Variants in ELF2 observed in about 807,000 individuals in gnomAD.
The protein encoded by ELF2 is ETS-related transcription factor Elf-2.
In ELF2, 11 loss-of-function variants were observed where a neutral mutation model predicts 54.8. The ratio of observed to expected loss-of-function variants is 0.20; its 90% CI spans 0.13 to 0.33. The LOEUF (loss-of-function observed/expected upper bound fraction) is 0.33, where lower values mean the gene tolerates loss of function less well. ELF2 is among the 10% of genes least tolerant of loss of function. The probability of loss-of-function intolerance (pLI) is 1.00; values close to 1 mark genes in which losing one functional copy is unlikely to be tolerated. For missense variants in ELF2, 513 were observed against 703.0 expected (o/e 0.73, Z 3.06); for synonymous variants, 203 against 245.1 (o/e 0.83, Z 1.61).
intron 4 of ELF2, among the ~76,000 whole-genome samples, chr4:139,112,536 C>T (rs1735059522): frequency 6.6e-6 from 1 of 152,166 alleles, no homozygotes; most frequent in Non-Finnish European, 1.5e-5. Flanking sequence ...TGTGTTAAAG[C>T]ATTCGTATTT....
intron 1 of ELF2, among the ~76,000 whole-genome samples, chr4:139,149,277 GT>G (rs1739599302): frequency 6.6e-6 from 1 of 152,212 alleles, no homozygotes; most frequent in African/African-American, 2.4e-5. Flanking sequence ...AAAATCAGCT[GT>G]TTTTCTATAG....
chr4:139,094,341 C>A (rs1257785734), intron 4 of ELF2, among the ~76,000 whole-genome samples: 3 of 152,216 alleles, frequency 2.0e-5, no homozygotes, highest in African/African-American at 7.2e-5. Context: ...AAAGCCATCA[C>A]AGCAGAGCCA....
At chr4:139,084,375 C>A in intron 4 of ELF2, 1 of 1,460,890 alleles carries the variant, frequency 6.8e-7, no homozygotes, top group Non-Finnish European at 9.1e-7. Flanking sequence ...GGCCGGCCCG[C>A]CTCCCGCCGC....
At chr4:139,066,963 C>A (rs542188434) in intron 7 of ELF2, 4 of 152,180 alleles carry the variant, frequency 2.6e-5, no homozygotes, top group African/African-American at 9.6e-5. Flanking sequence ...ACCTTGAATT[C>A]TTCTAAACAG....
At chr4:139,099,963 T>C (rs924816056) in intron 4 of ELF2, among the ~76,000 whole-genome samples, 4 of 152,120 alleles carry the variant, frequency 2.6e-5, no homozygotes, top group Non-Finnish European at 4.4e-5. Flanking sequence ...AATAATCTAC[T>C]CCAGACAGAA....
At chr4:139,074,645 A>C (rs1347031431) in intron 4 of ELF2, among the ~76,000 whole-genome samples, 1 of 151,972 alleles carries the variant, frequency 6.6e-6, no homozygotes, top group African/African-American at 2.4e-5. Flanking sequence ...CTGTAGTCCC[A>C]GCTACTCAGG....
At chr4:139,134,042 A>T (rs1188856572) in intron 3 of ELF2, among the ~76,000 whole-genome samples, 1 of 152,176 alleles carries the variant, frequency 6.6e-6, no homozygotes, top group African/African-American at 2.4e-5. Context: ...AAAGGTGGTT[A>T]GGGCAGACAA....
intron 1 of ELF2, among the ~76,000 whole-genome samples, chr4:139,144,432 T>G (rs1739022295): frequency 6.6e-6 from 1 of 152,198 alleles, no homozygotes; most frequent in South Asian, 2.1e-4. Flanking sequence ...GAGGCAGTGG[T>G]TGCAGGTTGA....
intron 3 of ELF2, among the ~76,000 whole-genome samples, chr4:139,128,495 T>C (rs1049472993): frequency 2.0e-5 from 3 of 151,916 alleles, no homozygotes; most frequent in African/African-American, 7.2e-5. Context: ...ACCACCTCAC[T>C]GAAGCTATTC....
intron 4 of ELF2, among the ~76,000 whole-genome samples, chr4:139,080,454 T>C (rs1279493552): frequency 6.6e-6 from 1 of 152,184 alleles, no homozygotes; most frequent in Non-Finnish European, 1.5e-5. Context: ...GAAATGAGAT[T>C]TTCAATTTCA....
chr4:139,135,499 C>T (rs1738062893), intron 3 of ELF2, among the ~76,000 whole-genome samples: 1 of 152,018 alleles, frequency 6.6e-6, no homozygotes, highest in Non-Finnish European at 1.5e-5. Flanking sequence ...GTGAAGCCTT[C>T]CTTGGCTGCC....
chr4:139,176,614 T>C (rs1742956161), intron 1 of ELF2, among the ~76,000 whole-genome samples: 1 of 151,946 alleles, frequency 6.6e-6, no homozygotes, highest in Admixed American at 6.5e-5. Context: ...CGCAGAGATG[T>C]AAACACGGAG....
intron 4 of ELF2, among the ~76,000 whole-genome samples, chr4:139,114,003 C>T (rs921052723): frequency 6.6e-6 from 1 of 152,070 alleles, no homozygotes; most frequent in Non-Finnish European, 1.5e-5. Flanking sequence ...CACTAAAAAT[C>T]GTGCTATTTT....
At chr4:139,064,379 A>C (rs931581968) in intron 7 of ELF2, among the ~76,000 whole-genome samples, 3 of 152,236 alleles carry the variant, frequency 2.0e-5, no homozygotes, top group Non-Finnish European at 4.4e-5. Context: ...GATTCCATGC[A>C]CTATTCGTTT....
At chr4:139,085,766 A>C (rs1731914272) in intron 4 of ELF2, among the ~76,000 whole-genome samples, 1 of 152,176 alleles carries the variant, frequency 6.6e-6, no homozygotes, top group African/African-American at 2.4e-5. Flanking sequence ...ATTGCCAATC[A>C]ATTTAAAGTA....
intron 4 of ELF2, among the ~76,000 whole-genome samples, chr4:139,120,743 C>T (rs547198387): frequency 5.9e-5 from 9 of 152,226 alleles, no homozygotes; most frequent in Non-Finnish European, 1.2e-4. Context: ...TACTTAAAAC[C>T]TTCCAAATCT....
intron 4 of ELF2, among the ~76,000 whole-genome samples, chr4:139,121,265 C>A (rs538942636): frequency 6.6e-6 from 1 of 150,708 alleles, no homozygotes; most frequent in African/African-American, 2.4e-5. Flanking sequence ...CCCGCTACCA[C>A]GCCCGGCTAA....
chr4:139,075,962 T>C (rs1397537814), intron 4 of ELF2, among the ~76,000 whole-genome samples: 3 of 152,150 alleles, frequency 2.0e-5, no homozygotes, highest in Non-Finnish European at 2.9e-5. Context: ...TTTATACAAA[T>C]TTCATAAAGT....
Position 139,057,539 on chromosome 4 carries a change from A to G in ELF2, c.*1444T>C, listed in dbSNP as rs1298282394. 6.6e-6 allele frequency: 1 copy of G among 152,232 alleles called. No homozygotes were observed. The highest frequency in any genetic ancestry group is 1.5e-5 in the Non-Finnish European group (1 of 68,034). 9.4% of individuals were successfully genotyped at this position (152,232 alleles called of 1,614,324 possible). A position where few individuals can be genotyped will look rare whatever the true frequency, so the allele number is the denominator to read the frequency against. ...TAACTTCCTAATCTGTAAAAGGGCT[A>G]GAAGAGTAATTGTTCTTTTTAATCC... is the stretch of plus-strand genomic sequence containing the variant. On this transcript the variant is annotated 3_prime_UTR_variant, in exon 10 of 10. Coordinates refer to ENST00000686138, the MANE Select transcript of ELF2 (RefSeq NM_001331036.3).
Sources: gnomAD v4.1 joint callset for allele counts (sites outside exome capture counted in the v4.1 genomes callset) on GRCh38, gnomAD v4.1.1 for gene constraint, MANE v1.5 for transcripts, NCBI Gene and HGNC (gene_info 2026-07-23, HGNC 2026-07-21) for gene names.